Variants in ITPKB observed in about 807,000 individuals in gnomAD.
ITPKB encodes the protein IP3 3-kinase B.
In ITPKB, 13 loss-of-function variants were observed where a neutral mutation model predicts 69.4. The ratio of observed to expected loss-of-function variants is 0.19; its 90% CI spans 0.12 to 0.30. The LOEUF is 0.30. Among genes scored for constraint, ITPKB ranks in the 10% least tolerant of loss-of-function variants. The pLI is 1.00. For synonymous variants in ITPKB, 584 were observed against 513.7 expected (o/e 1.14, Z -1.85); for missense variants, 1,240 against 1,250.5 (o/e 0.99, Z 0.13).
chr1:226,691,839 T>C (rs180941458), intron 2 of ITPKB, among the ~76,000 whole-genome samples: 54 of 152,264 alleles, frequency 3.5e-4, no homozygotes, highest in African/African-American at 1.2e-3. Flanking sequence ...CCCAAGCTAA[T>C]AGCAAATCCC....
chr1:226,720,963 A>AC (rs1236640290), intron 2 of ITPKB, among the ~76,000 whole-genome samples: 1 of 150,566 alleles, frequency 6.6e-6, no homozygotes, highest in African/African-American at 2.5e-5. Context: ...AATCGCTTGA[A>AC]CCCGGGCAGC....
At chr1:226,635,257 G>A (rs1263261949) in intron 7 of ITPKB, among the ~76,000 whole-genome samples, 3 of 151,370 alleles carry the variant, frequency 2.0e-5, no homozygotes, top group Admixed American at 2.0e-4. Context: ...GTCTTACTCT[G>A]TCGCCCCAGC....
intron 2 of ITPKB, among the ~76,000 whole-genome samples, chr1:226,669,735 T>G (rs560277181): frequency 6.6e-5 from 10 of 151,918 alleles, no homozygotes; most frequent in Admixed American, 1.3e-4. Flanking sequence ...TACAAAGAAC[T>G]CAAACAAATG....
At chr1:226,713,520 A>G (rs947756711) in intron 2 of ITPKB, among the ~76,000 whole-genome samples, 6 of 152,212 alleles carry the variant, frequency 3.9e-5, no homozygotes, top group Non-Finnish European at 8.8e-5. Context: ...CAGGCACCCT[A>G]TCTCCTCACC....
intron 7 of ITPKB, among the ~76,000 whole-genome samples, chr1:226,635,711 C>T (rs1668823384): frequency 6.6e-6 from 1 of 152,224 alleles, no homozygotes; most frequent in Admixed American, 6.5e-5. Flanking sequence ...AGCACCCCCA[C>T]CCCAGCAGCA....
chr1:226,670,681 CG>C (rs1442755881), intron 2 of ITPKB, among the ~76,000 whole-genome samples: 1 of 152,182 alleles, frequency 6.6e-6, no homozygotes, highest in East Asian at 1.9e-4. Flanking sequence ...TGTACTAATA[CG>C]CATTTCTGCA....
At chr1:226,700,070 A>T (rs1656597063) in intron 2 of ITPKB, among the ~76,000 whole-genome samples, 2 of 152,238 alleles carry the variant, frequency 1.3e-5, no homozygotes, top group East Asian at 3.9e-4. Flanking sequence ...ACTCGCAGCT[A>T]ATTAGATGGT....
In ITPKB at chr1:226,647,228, T is replaced by C; in HGVS notation, c.2185A>G (p.Met729Val). The C allele has an allele frequency of 6.2e-7, 1 of 1,614,186 alleles. No individual in the cohort carries two copies. The highest frequency in any genetic ancestry group is 8.5e-7 in the Non-Finnish European group (1 of 1,180,028). ...TCGAAGTCGGCCAGCAGGTCGTCCA[T>C]CTGGTTGTAGCGCTCCCCGTCCTTC... ...VVKDGERYNQ[M>V]DDLLADFDSP... Residue 729 changes from methionine (M) to valine (V), a missense_variant, in exon 4 of 8, where the codon ATG (methionine) becomes GTG (valine). Coordinates refer to ENST00000429204, the MANE Select transcript of ITPKB (RefSeq NM_002221.4).
chr1:226,682,887 T>C (rs77696678), intron 2 of ITPKB, among the ~76,000 whole-genome samples: 2,262 of 152,212 alleles, frequency 0.015, 110 homozygotes, highest in Admixed American at 0.081. Context: ...GGAGGAGGTG[T>C]ATATTTACAG....
intron 2 of ITPKB, among the ~76,000 whole-genome samples, chr1:226,669,866 T>G (rs543504984): frequency 6.6e-6 from 1 of 151,672 alleles, no homozygotes; most frequent in Admixed American, 6.6e-5. Context: ...TTTTTTGGTT[T>G]GTTTTTTTTT....
chr1:226,704,722 A>G lies in ITPKB; in HGVS notation c.1932+30805T>C, dbSNP rs908829790. 1.1e-4 allele frequency among the ~76,000 whole-genome samples: 17 copies of G among 152,360 alleles called. No homozygotes were observed. In the Middle Eastern group the frequency reaches 0.01, roughly 91 times the overall value. On this transcript the variant is annotated intron_variant, in intron 2 of 7. Transcript: ENST00000429204. Reference sequence around the variant, plus strand: ...TCATTGGCTACTTAAACAGTAAGTAATGGACGTTCAACAATGCTGTGCCCA... The same window carrying G: ...TCATTGGCTACTTAAACAGTAAGTAGTGGACGTTCAACAATGCTGTGCCCA...
At chr1:226,696,223 G>C (rs998596310) in intron 2 of ITPKB, among the ~76,000 whole-genome samples, 4 of 152,204 alleles carry the variant, frequency 2.6e-5, no homozygotes, top group Middle Eastern at 3.4e-3. Flanking sequence ...CTGTGAAATG[G>C]GGATAATAAT....
intron 2 of ITPKB, among the ~76,000 whole-genome samples, chr1:226,694,475 A>G: frequency 6.6e-6 from 1 of 152,238 alleles, no homozygotes; most frequent in East Asian, 1.9e-4. Flanking sequence ...CGTGTCCTCA[A>G]TAACAACTGA....
At chr1:226,643,802 C>A (rs181445147) in intron 4 of ITPKB, among the ~76,000 whole-genome samples, 7 of 150,678 alleles carry the variant, frequency 4.6e-5, no homozygotes, top group African/African-American at 1.7e-4. Flanking sequence ...CAACCATGTG[C>A]GCACATACAC....
chr1:226,736,981 C>A lies in ITPKB; in HGVS notation c.478G>T (p.Ala160Ser), dbSNP rs573808314. 7 of 1,612,368 alleles carry A rather than the reference C, an allele frequency of 4.3e-6. No individual in the cohort carries two copies. The Admixed American group carries it at 5.0e-5, about 12-fold the overall frequency. ...FEAHIQAQSS[A>S]IQAPRSPRLG... ...CGCGGGCTGCGGGGCGCTTGAATGG[C>A]GGAGCTCTGTGCCTGGATGTGCGCC... is the stretch of plus-strand genomic sequence containing the variant. The change falls in exon 2 of 8, where the codon GCC becomes TCC. Residue 160 changes from alanine to serine, a missense_variant. By Grantham distance (99) the Ala-to-Ser change is moderately conservative. Around this residue, in one of 2 missense-constraint regions of ITPKB, gnomAD observed 992 missense variants for 853.8 expected, o/e 1.16. Coordinates refer to ENST00000429204, the MANE Select transcript of ITPKB (RefSeq NM_002221.4).
intron 2 of ITPKB, among the ~76,000 whole-genome samples, chr1:226,712,127 C>A (rs1333025515): frequency 6.6e-6 from 1 of 152,146 alleles, no homozygotes; most frequent in Admixed American, 6.5e-5. Context: ...TTATATATAG[C>A]ACCTGTGTCT....
intron 2 of ITPKB, among the ~76,000 whole-genome samples, chr1:226,719,171 C>T (rs1293914344): frequency 6.6e-6 from 1 of 152,122 alleles, no homozygotes; most frequent in Non-Finnish European, 1.5e-5. Flanking sequence ...CCCAGCTACT[C>T]GGGAGGCTGA....
At chr1:226,697,147 G>A (rs567816349) in intron 2 of ITPKB, among the ~76,000 whole-genome samples, 58 of 152,336 alleles carry the variant, frequency 3.8e-4, no homozygotes, top group African/African-American at 1.3e-3. Context: ...CTAAATGTTG[G>A]TGGGTCCAGG....
chr1:226,663,764 A>G (rs1473662969), intron 2 of ITPKB, among the ~76,000 whole-genome samples: 1 of 152,166 alleles, frequency 6.6e-6, no homozygotes, highest in Non-Finnish European at 1.5e-5. Context: ...TCAGGTGACC[A>G]AAGAAGTGAT....
Sources: gnomAD v4.1 joint callset for allele counts (sites outside exome capture counted in the v4.1 genomes callset) on GRCh38, gnomAD v4.1.1 for gene constraint, gnomAD v4.1.1 regional missense constraint, MANE v1.5 for transcripts, NCBI Gene and HGNC (gene_info 2026-07-23, HGNC 2026-07-21) for gene names.